MAML2: variants seen among roughly 807,000 people sequenced by gnomAD.
MAML2 encodes the protein mastermind like transcriptional coactivator 2.
MAML2 carries 22 observed loss-of-function variants against 96.1 expected under a neutral mutation model. The observed-to-expected ratio is 0.23, with a 90% CI of 0.16 to 0.33. MAML2 has a LOEUF of 0.33. Among genes scored for constraint, MAML2 ranks in the 10% least tolerant of loss-of-function variants. The probability of loss-of-function intolerance (pLI) is 1.00; values close to 1 mark genes in which losing one functional copy is unlikely to be tolerated. For missense variants in MAML2, 1,367 were observed against 1,392.4 expected, an observed-to-expected ratio of 0.98 and a Z score of 0.29; for synonymous variants, 561 against 521.3, an observed-to-expected ratio of 1.08 and a Z score of -1.04.
At chr11:96,263,684 T>C (rs979858518) in intron 1 of MAML2, among the ~76,000 whole-genome samples, 12 of 152,238 alleles carry the variant, frequency 7.9e-5, no homozygotes, top group Non-Finnish European at 1.8e-4. Flanking sequence ...GTACATCCTC[T>C]AGCCACAAGG....
intron 2 of MAML2, among the ~76,000 whole-genome samples, chr11:96,005,101 T>C (rs1023835484): frequency 1.3e-5 from 2 of 152,362 alleles, no homozygotes; most frequent in Admixed American, 6.5e-5. Flanking sequence ...GCCAGTGCAT[T>C]GATCTTGGAC....
At chr11:96,140,957 A>G (rs1008740228) in intron 1 of MAML2, among the ~76,000 whole-genome samples, 2 of 152,252 alleles carry the variant, frequency 1.3e-5, no homozygotes, top group East Asian at 3.8e-4. Flanking sequence ...GGCCAGATGT[A>G]ATAAGTAAAC....
Position 96,116,104 on chromosome 11 carries a change from G to A in MAML2, c.514-22587C>T, listed in dbSNP as rs181883323. 9.5e-4 allele frequency among the ~76,000 whole-genome samples: 145 copies of A among 152,242 alleles called. 2 individuals are homozygous for A. Among genetic ancestry groups the A allele is most frequent in the Middle Eastern group, 6.8e-3 (2 of 294 alleles). ...AATGTAGCAACACAGACAGCAGAGG[G>A]GCATTAAGCTCCTGTAAATAACATA... On this transcript the variant is annotated intron_variant, in intron 1 of 4. Coordinates refer to ENST00000524717, the MANE Select transcript of MAML2 (RefSeq NM_032427.4).
At chr11:95,983,446 C>A (rs1857773979) in intron 4 of MAML2, among the ~76,000 whole-genome samples, 1 of 151,930 alleles carries the variant, frequency 6.6e-6, no homozygotes, top group Non-Finnish European at 1.5e-5. Context: ...TTAATGGATA[C>A]AAAATTACAG....
chr11:96,066,528 T>C (rs1465872741), intron 2 of MAML2, among the ~76,000 whole-genome samples: 1 of 152,222 alleles, frequency 6.6e-6, no homozygotes, highest in Non-Finnish European at 1.5e-5. Context: ...TTACTCTATA[T>C]TGATGTTGAA....
At chr11:96,122,280 C>G (rs954400259) in intron 1 of MAML2, among the ~76,000 whole-genome samples, 7 of 151,950 alleles carry the variant, frequency 4.6e-5, no homozygotes, top group Non-Finnish European at 1.0e-4. Context: ...TAATTCTCTA[C>G]TAAAGGGGTG....
At chr11:96,168,292 G>T (rs1018360266) in intron 1 of MAML2, among the ~76,000 whole-genome samples, 3 of 152,128 alleles carry the variant, frequency 2.0e-5, no homozygotes, top group African/African-American at 7.2e-5. Context: ...TTCCATTATG[G>T]TGCCTAGTAA....
chr11:96,262,007 T>C (rs941894598), intron 1 of MAML2, among the ~76,000 whole-genome samples: 1 of 152,248 alleles, frequency 6.6e-6, no homozygotes, highest in African/African-American at 2.4e-5. Context: ...TTATTCTCCA[T>C]ATTAATGTTT....
intron 1 of MAML2, among the ~76,000 whole-genome samples, chr11:96,220,127 C>T (rs1273127282): frequency 2.6e-5 from 4 of 152,110 alleles, no homozygotes; most frequent in East Asian, 1.9e-4. Context: ...TCAGGCCCTA[C>T]GTGAATTGAT....
chr11:96,162,176 CTTTTTT>C (rs36006515), intron 1 of MAML2, among the ~76,000 whole-genome samples: 4,426 of 105,924 alleles, frequency 0.042, 209 homozygotes, highest in African/African-American at 0.14. Context: ...ATCAATCTAA[CTTTTTT>C]TTTTTTTTTT....
chr11:96,223,851 C>CT (rs1178193101), intron 1 of MAML2, among the ~76,000 whole-genome samples: 8 of 152,108 alleles, frequency 5.3e-5, no homozygotes, highest in African/African-American at 1.9e-4. Context: ...GGAATGTACT[C>CT]TCTCAATTTG....
At chr11:96,229,667 A>G (rs1862263461) in intron 1 of MAML2, among the ~76,000 whole-genome samples, 1 of 151,834 alleles carries the variant, frequency 6.6e-6, no homozygotes, top group Admixed American at 6.6e-5. Flanking sequence ...TCTTCAAACC[A>G]ACAGAGAATA....
chr11:96,204,811 G>A (rs1285117238), intron 1 of MAML2, among the ~76,000 whole-genome samples: 1 of 152,198 alleles, frequency 6.6e-6, no homozygotes, highest in Non-Finnish European at 1.5e-5. Flanking sequence ...AATCTTGAAG[G>A]TGTAACATGT....
chr11:96,024,312 G>A (rs971975026), intron 2 of MAML2, among the ~76,000 whole-genome samples: 2 of 152,248 alleles, frequency 1.3e-5, no homozygotes. Flanking sequence ...TGTAAAAGTA[G>A]TTTGACCTCT....
chr11:96,088,960 G>A (rs1044895872), intron 2 of MAML2, among the ~76,000 whole-genome samples: 8 of 151,930 alleles, frequency 5.3e-5, no homozygotes, highest in Non-Finnish European at 5.9e-5. Flanking sequence ...CTACCAATTT[G>A]TAGCAGAGAA....
chr11:96,156,296 T>A (rs1389356192), intron 1 of MAML2, among the ~76,000 whole-genome samples: 1 of 152,210 alleles, frequency 6.6e-6, no homozygotes, highest in Non-Finnish European at 1.5e-5. Context: ...CCTCCGCCCC[T>A]CACACACCAG....
chr11:96,041,541 G>A (rs1194415527), intron 2 of MAML2, among the ~76,000 whole-genome samples: 1,817 of 150,474 alleles, frequency 0.012, 28 homozygotes, highest in African/African-American at 0.031. Flanking sequence ...AAGGAGGAAG[G>A]GAAAGAAAGA....
At chr11:95,983,431 G>A (rs1399020694) in intron 4 of MAML2, among the ~76,000 whole-genome samples, 3 of 152,140 alleles carry the variant, frequency 2.0e-5, no homozygotes, top group Non-Finnish European at 4.4e-5. Context: ...CTAGACAGAA[G>A]ATGGTTAATG....
intron 1 of MAML2, among the ~76,000 whole-genome samples, chr11:96,122,411 G>C (rs1193571728): frequency 6.6e-6 from 1 of 151,970 alleles, no homozygotes; most frequent in East Asian, 1.9e-4. Flanking sequence ...GGGTTCTGTG[G>C]AGCAGTCATA....
Sources: allele counts gnomAD v4.1 joint callset (sites outside exome capture counted in the v4.1 genomes callset), GRCh38; gene constraint gnomAD v4.1.1; transcripts MANE v1.5; gene names NCBI Gene and HGNC (gene_info 2026-07-23, HGNC 2026-07-21).